The following CCDC33 variants were observed in gnomAD, a reference collection of about 807,000 sequenced individuals.
The protein encoded by CCDC33 is coiled-coil domain containing 33, also known as coiled-coil domain-containing protein 33.
CCDC33 carries 94 observed loss-of-function variants against 91.9 expected under a neutral mutation model. The ratio of observed to expected loss-of-function variants is 1.02; its 90% CI spans 0.87 to 1.21. The LOEUF (loss-of-function observed/expected upper bound fraction) is 1.21, where lower values mean the gene tolerates loss of function less well. Ranked by LOEUF, CCDC33 falls within the 50% of genes most tolerant of loss-of-function variation. The probability of loss-of-function intolerance (pLI) is 0.00; values close to 1 mark genes in which losing one functional copy is unlikely to be tolerated. For synonymous variants in CCDC33, 396 were observed against 374.5 expected, an observed-to-expected ratio of 1.06 and a Z score of -0.66; for missense variants, 940 against 935.5, an observed-to-expected ratio of 1.00 and a Z score of -0.06.
chr15:74,294,652 CAGG>C (rs1470244498), intron 10 of CCDC33, among the ~76,000 whole-genome samples: 1 of 149,264 alleles, frequency 6.7e-6, no homozygotes, highest in Non-Finnish European at 1.5e-5. Flanking sequence ...GAGGCTAAGG[CAGG>C]AGAATTACTT....
intron 10 of CCDC33, among the ~76,000 whole-genome samples, chr15:74,284,684 T>G (rs1389202857): frequency 6.6e-6 from 1 of 152,208 alleles, no homozygotes; most frequent in East Asian, 1.9e-4. Context: ...CAGCTAATGA[T>G]AAAGGGTCTG....
rs143888938 is a variant in CCDC33, at chr15:74,231,108, C to T, written c.675+12247C>T. 4.5e-4 allele frequency among the ~76,000 whole-genome samples: 68 copies of T among 152,280 alleles called. No individual in the cohort carries two copies. The East Asian group carries it at 0.011, about 25-fold the overall frequency. On this transcript the variant is annotated intron_variant, in intron 2 of 2. Transcript: ENST00000635913. ...TGAGCTGATAGAAGTCACCTCTGCA[C>T]GGCAAGCAACCAGGGAAAGGTCAGA...
In CCDC33 at chr15:74,211,723, G is replaced by A. The variant is rs2074370967; in HGVS notation, n.237-423G>A. Among the ~76,000 whole-genome samples the A allele has an allele frequency of 3.3e-5, 5 of 151,864 alleles. No homozygotes were observed. In the South Asian group the frequency reaches 1.0e-3, roughly 32 times the overall value. ...TCAGCCCCTTTCTCTCTTTCTATCTGGTTGTCCTCCTGTCTGCCTTTCTGC... is the reference window on the plus strand; with the variant it reads ...TCAGCCCCTTTCTCTCTTTCTATCTAGTTGTCCTCCTGTCTGCCTTTCTGC... On this transcript the variant is annotated intron_variant and non_coding_transcript_variant, in intron 2 of 3. Coordinates refer to the CCDC33 transcript ENST00000558645.
chr15:74,316,238 C>T lies in CCDC33; in HGVS notation c.1291-13951C>T, dbSNP rs1461768388. ...CGCGGCTTCCCTCCCTCTCAGCAGC[C>T]CACACTTGTTCTATGTCCGGTGATG... is the stretch of plus-strand genomic sequence containing the variant. On this transcript the variant is annotated intron_variant, in intron 11 of 18. Transcript: ENST00000398814. The surrounding 1 kb of genome is among the most constrained non-coding windows in gnomAD (Gnocchi z 4.7). 1.3e-5 allele frequency among the ~76,000 whole-genome samples: 2 copies of T among 152,302 alleles called. No homozygotes were observed. Among genetic ancestry groups the T allele is most frequent in the East Asian group, 3.9e-4 (2 of 5,174 alleles).
intron 7 of CCDC33, among the ~76,000 whole-genome samples, chr15:74,277,937 C>A (rs351168): frequency 0.046 from 7,000 of 152,232 alleles, 543 homozygotes; most frequent in African/African-American, 0.16. Context: ...ACAGGTGCCC[C>A]AATGCCTGGC....
At position 74,309,995 on chromosome 15, in the gene CCDC33, T is replaced by A. The variant is rs186727508; in HGVS notation, c.1290+14047T>A. Reference sequence around the variant, plus strand: ...AGATGCCGTCTCCACAAAATTTTTTTAAAAAATTAACCAAGCATGGTGACA... The same window carrying A: ...AGATGCCGTCTCCACAAAATTTTTTAAAAAAATTAACCAAGCATGGTGACA... On this transcript the variant is annotated intron_variant, in intron 11 of 18. Transcript: ENST00000398814. Among the ~76,000 whole-genome samples, 1,023 of 151,856 alleles carry A rather than the reference T, an allele frequency of 6.7e-3. 9 individuals are homozygous for A. Among genetic ancestry groups the A allele is most frequent in the African/African-American group, 0.022 (903 of 41,404 alleles).
chr15:74,256,092 A>G (rs2075852853), intron 2 of CCDC33, among the ~76,000 whole-genome samples: 1 of 152,216 alleles, frequency 6.6e-6, no homozygotes, highest in Admixed American at 6.5e-5. Context: ...TGAACAGTCT[A>G]GTAGTGGTGG....
chr15:74,318,592 G>T (rs764658994), intron 11 of CCDC33: 1 of 734,684 alleles, frequency 1.4e-6, no homozygotes, highest in Non-Finnish European at 2.5e-6. Flanking sequence ...CAGTAAAGAT[G>T]GGGGAGCCAG....
chr15:74,305,517 C>T (rs1284614171), intron 11 of CCDC33, among the ~76,000 whole-genome samples: 1 of 152,126 alleles, frequency 6.6e-6, no homozygotes, highest in Non-Finnish European at 1.5e-5. Flanking sequence ...GAGCATCACC[C>T]AGGGGCTAAG....
intron 2 of CCDC33, among the ~76,000 whole-genome samples, chr15:74,228,790 A>G (rs2074878931): frequency 6.6e-6 from 1 of 152,170 alleles, no homozygotes; most frequent in Non-Finnish European, 1.5e-5. Context: ...CTCTTCCAGG[A>G]GACAGGCAGG....
Position 74,310,762 on chromosome 15 carries a change from C to T in CCDC33, c.1290+14814C>T, listed in dbSNP as rs190678890. Among the ~76,000 whole-genome samples, 289 of 152,128 alleles carry T rather than the reference C, an allele frequency of 1.9e-3. 1 individual carries two copies. The highest frequency in any genetic ancestry group is 6.6e-3 in the African/African-American group (273 of 41,526). ...GGCTGAGCAGGCTGTAGAGAAGGTT[C>T]CCATGGGGGACTCTCAGGGATGGGG... On this transcript the variant is annotated intron_variant, in intron 11 of 18. Transcript: ENST00000398814.
intron 2 of CCDC33, among the ~76,000 whole-genome samples, chr15:74,219,136 AC>A (rs1448115447): frequency 2.0e-4 from 31 of 152,136 alleles, no homozygotes; most frequent in Non-Finnish European, 2.9e-5. Flanking sequence ...GTCCCCTGAG[AC>A]CCTTCAGTTC....
intron 2 of CCDC33, among the ~76,000 whole-genome samples, chr15:74,219,291 G>A (rs961010244): frequency 1.1e-4 from 16 of 152,322 alleles, no homozygotes; most frequent in African/African-American, 3.6e-4. Context: ...AGGTGAGAGA[G>A]TCTAGTCCTT....
chr15:74,272,481 C>G (rs1315543742), intron 6 of CCDC33, among the ~76,000 whole-genome samples: 2 of 152,242 alleles, frequency 1.3e-5, no homozygotes, highest in Non-Finnish European at 2.9e-5. Flanking sequence ...CAGGGTCTGT[C>G]TTGGTCACTT....
chr15:74,255,152 A>G (rs577394071), intron 2 of CCDC33, among the ~76,000 whole-genome samples: 26 of 145,946 alleles, frequency 1.8e-4, no homozygotes, highest in African/African-American at 6.6e-4. Context: ...CTCCAGTTCC[A>G]TAGACCCACC....
chr15:74,335,032 C>G lies in CCDC33; in HGVS notation c.2083C>G (p.Gln695Glu). The G allele has an allele frequency of 6.2e-7, 1 of 1,614,122 alleles. No individual in the cohort carries two copies. The highest frequency in any genetic ancestry group is 1.3e-5 in the African/African-American group (1 of 75,006). The stretch of plus-strand genomic sequence containing the variant: ...GAAGCAGGATCTGGCCACACGGCTG[C>G]AGGAGCAAGAAAAAGGTTTCAGGCA... ...REKQDLATRL[Q>E]EQEKGFRHPS... The change falls in exon 18 of 19, where the codon CAG becomes GAG. Residue 695 changes from glutamine (Q) to glutamate (E), a missense_variant. Physicochemically the swap from Gln to Glu is conservative, Grantham distance 29. Transcript: ENST00000398814.
At chr15:74,321,380 T>G (rs1427620685) in intron 11 of CCDC33, among the ~76,000 whole-genome samples, 1 of 122,718 alleles carries the variant, frequency 8.1e-6, no homozygotes, top group African/African-American at 3.2e-5. Flanking sequence ...TTCTCCCACC[T>G]CATCCTCCCA....
chr15:74,238,432 C>T (rs565503836), intron 1 of CCDC33, among the ~76,000 whole-genome samples: 77 of 149,960 alleles, frequency 5.1e-4, no homozygotes, highest in African/African-American at 1.4e-3. Flanking sequence ...AAAAAGGATG[C>T]TCATCATGTA....
At chr15:74,215,345 A>C (rs1319484884), upstream of CCDC33, among the ~76,000 whole-genome samples, 2 of 152,182 alleles carry the variant, frequency 1.3e-5, no homozygotes, top group East Asian at 3.9e-4. Flanking sequence ...ACAGAGACGG[A>C]AAGTAGAATG....
Sources: gnomAD v4.1 joint callset for allele counts (sites outside exome capture counted in the v4.1 genomes callset) on GRCh38, gnomAD v4.1.1 for gene constraint, Gnocchi (gnomAD v3.1) non-coding constraint, MANE v1.5 for transcripts, NCBI Gene and HGNC (gene_info 2026-07-23, HGNC 2026-07-21) for gene names.